The following MYRF variants were observed in gnomAD, a reference collection of about 807,000 sequenced individuals.
MYRF encodes myelin regulatory factor.
In MYRF, 16 loss-of-function variants were observed where a neutral mutation model predicts 126.3. The ratio of observed to expected loss-of-function variants is 0.13; its 90% CI spans 0.09 to 0.19. The LOEUF is 0.19. Among genes scored for constraint, MYRF ranks in the 10% least tolerant of loss-of-function variants. The pLI, the probability that MYRF is intolerant of heterozygous loss-of-function variation, is 1.00. For missense variants in MYRF, 1,104 were observed against 1,547.0 expected (o/e 0.71, Z 4.80); for synonymous variants, 608 against 635.3 (o/e 0.96, Z 0.65).
Position 61,776,730 on chromosome 11 carries a change from G to T in MYRF, c.1500-57G>T. 1.5e-6 allele frequency: 2 copies of T among 1,347,744 alleles called. No homozygotes were observed. The highest frequency in any genetic ancestry group is 2.1e-6 in the Non-Finnish European group (2 of 974,798). 83.5% of individuals were successfully genotyped at this position (1,347,744 alleles called of 1,614,324 possible). ...GAACATGCATCTGGCCAGGGAAAGG[G>T]TGGCCCTGGGGGCGGGGGCAGGCCA... is the stretch of plus-strand genomic sequence containing the variant. On this transcript the variant is annotated intron_variant, in intron 10 of 26. Coordinates refer to ENST00000278836, the MANE Select transcript of MYRF (RefSeq NM_001127392.3). This position sits in a 1 kb window ranked among gnomAD's most constrained non-coding sequence, Gnocchi z 4.3.
rs914137594 is a variant in MYRF at position 61,780,348 on chromosome 11, C to A, written c.2405+58C>A. The stretch of plus-strand genomic sequence containing the variant: ...GCCAGGTGGGGCTTTGGTGGGCAGT[C>A]CCAGGTCAGAGAGCCATGAGACTGT... On this transcript the variant is annotated intron_variant, in intron 18 of 26. Coordinates refer to ENST00000278836, the MANE Select transcript of MYRF (RefSeq NM_001127392.3). 9 of 1,459,688 alleles carry A rather than the reference C, an allele frequency of 6.2e-6. No individual in the cohort carries two copies. The African/African-American group carries it at 7.0e-5, about 11-fold the overall frequency. The allele number at this position is 1,459,688 out of a possible 1,614,324, so 90.4% of individuals were successfully genotyped here. A position where few individuals can be genotyped will look rare whatever the true frequency, so the allele number is the denominator to read the frequency against.
chr11:61,756,011 C>T (rs1257459844), intron 1 of MYRF, among the ~76,000 whole-genome samples: 1 of 152,214 alleles, frequency 6.6e-6, no homozygotes, highest in African/African-American at 2.4e-5. Context: ...CCTCATTCCC[C>T]TCCCAGGGTA....
chr11:61,777,507 AGCGGGCCGCGGGG>A lies in MYRF; in HGVS notation c.1791+49_1791+61del, dbSNP rs2066417884. ...GGGGCCGGGCGGGTCCAGACGCTGG[AGCGGGCCGCGGGG>A]GCGGGGCTCCTGGGGAGGGGGCGTG... On this transcript the variant is annotated intron_variant, in intron 12 of 26. Coordinates refer to ENST00000278836, the MANE Select transcript of MYRF (RefSeq NM_001127392.3). The surrounding 1 kb of genome is among the most constrained non-coding windows in gnomAD (Gnocchi z 8.8). 1 of 1,371,352 alleles carries A rather than the reference AGCGGGCCGCGGGG, an allele frequency of 7.3e-7. No individual in the cohort carries two copies. Among genetic ancestry groups the A allele is most frequent in the Non-Finnish European group, 9.8e-7 (1 of 1,018,656 alleles). The allele number at this position is 1,371,352 out of a possible 1,614,324, so 84.9% of individuals were successfully genotyped here.
chr11:61,764,030 G>A (rs976879132), intron 1 of MYRF, among the ~76,000 whole-genome samples: 2 of 152,320 alleles, frequency 1.3e-5, no homozygotes, highest in South Asian at 2.1e-4. Flanking sequence ...GACTGGCCAC[G>A]CCCAGCTCGA....
intron 1 of MYRF, among the ~76,000 whole-genome samples, chr11:61,765,088 C>T (rs1054332037): frequency 1.2e-4 from 18 of 152,196 alleles, no homozygotes; most frequent in Non-Finnish European, 5.9e-5. Context: ...ATATATGGTC[C>T]CACTCAGCCA....
At position 61,786,412 on chromosome 11, in the gene MYRF, C is replaced by G; in HGVS notation, c.*269C>G. ...AGGGGCCAGGACAGGACCAGTTTAC[C>G]TCTTTCCAGATATGGTGGTTGGAGG... is the stretch of plus-strand genomic sequence containing the variant. On this transcript the variant is annotated 3_prime_UTR_variant, in exon 27 of 27. Coordinates refer to ENST00000278836, the MANE Select transcript of MYRF (RefSeq NM_001127392.3). The surrounding 1 kb of genome is among the most constrained non-coding windows in gnomAD (Gnocchi z 4.5). The G allele has an allele frequency of 7.8e-6, 4 of 511,162 alleles. No homozygotes were observed. In the South Asian group the frequency reaches 9.3e-5, roughly 12 times the overall value. The allele number at this position is 511,162 out of a possible 1,614,324, so 31.7% of individuals were successfully genotyped here.
Position 61,776,251 on chromosome 11 carries a change from G to T in MYRF, c.1389-71G>T. The T allele has an allele frequency of 6.4e-7, 1 of 1,565,716 alleles. No individual in the cohort carries two copies. Among genetic ancestry groups the T allele is most frequent in the Non-Finnish European group, 8.8e-7 (1 of 1,142,798 alleles). ...CCGCCTCATGTACGTTGCTGGCCTG[G>T]GTGCCCCTCAGTGGCGTGGCTCTTG... On this transcript the variant is annotated intron_variant, in intron 9 of 26. Coordinates refer to ENST00000278836, the MANE Select transcript of MYRF (RefSeq NM_001127392.3). The surrounding 1 kb of genome is among the most constrained non-coding windows in gnomAD (Gnocchi z 4.3).
Position 61,784,264 on chromosome 11 carries a change from C to T in MYRF, c.3195-16C>T, listed in dbSNP as rs1366825207. ...CTCTAGAACCTCATTTCTCTGCTAA[C>T]TGGGCCTGTCTACAGCTCCTCCTCC... On this transcript the variant is annotated splice_polypyrimidine_tract_variant and intron_variant, in intron 24 of 26. Transcript: ENST00000278836. 6.2e-7 allele frequency: 1 copy of T among 1,611,680 alleles called. No individual in the cohort carries two copies. Among genetic ancestry groups the T allele is most frequent in the East Asian group, 2.2e-5 (1 of 44,852 alleles).
Position 61,781,075 on chromosome 11 carries a change from A to C in MYRF, c.2572+30A>C. On this transcript the variant is annotated intron_variant, in intron 20 of 26. Transcript: ENST00000278836. ...GTGTCTGGGCAGGTCTGGGTAGGAC[A>C]GGGAGGTTGCTATGTTCTGTCTTTG... 4 of 1,610,518 alleles carry C rather than the reference A, an allele frequency of 2.5e-6. No homozygotes were observed. The East Asian group carries it at 6.7e-5, about 27-fold the overall frequency.
chr11:61,779,616 CT>C, intron 16 of MYRF, 46 bp downstream of exon 16: 1 of 1,439,946 alleles, frequency 6.9e-7, no homozygotes. Context: ...GGGGGCCTCC[CT>C]TGTGGCCTCC....
At chr11:61,784,083 TGGCTAAATGACCTGGCCTCATG>T in intron 24 of MYRF, 158 bp downstream of exon 24, 1 of 1,035,622 alleles carries the variant, frequency 9.7e-7, no homozygotes, top group Non-Finnish European at 1.4e-6. Flanking sequence ...CGTGGTTAAC[TGGCTAAATGACCTGGCCTCATG>T]GGCTGAGGAC....
chr11:61,786,268 G>C lies in MYRF; in HGVS notation c.*125G>C, dbSNP rs766607632. Reference sequence around the variant, plus strand: ...GCTCTGCTGTTCACTGGCCCTACCCGAGACTGGTGAAACTGGAAGTCTTCA... The same window carrying C: ...GCTCTGCTGTTCACTGGCCCTACCCCAGACTGGTGAAACTGGAAGTCTTCA... On this transcript the variant is annotated 3_prime_UTR_variant, in exon 27 of 27. Coordinates refer to ENST00000278836, the MANE Select transcript of MYRF (RefSeq NM_001127392.3). The surrounding 1 kb of genome is among the most constrained non-coding windows in gnomAD (Gnocchi z 4.5). 4 of 887,338 alleles carry C rather than the reference G, an allele frequency of 4.5e-6. No homozygotes were observed. Among genetic ancestry groups the C allele is most frequent in the African/African-American group, 3.3e-5 (2 of 59,866 alleles). 55.0% of individuals were successfully genotyped at this position (887,338 alleles called of 1,614,324 possible). A position where few individuals can be genotyped will look rare whatever the true frequency, so the allele number is the denominator to read the frequency against.
intron 3 of MYRF, chr11:61,767,259 G>A: frequency 4.4e-6 from 2 of 456,730 alleles, no homozygotes; most frequent in South Asian, 3.1e-5. Context: ...AGGCCCCTGG[G>A]GGCAGAGGGA....
intron 1 of MYRF, chr11:61,755,585 G>A (rs1020793417): frequency 1.9e-6 from 2 of 1,053,718 alleles, no homozygotes; most frequent in South Asian, 1.3e-5. Flanking sequence ...TCTGTGCCTG[G>A]CAGGGAACCC....
In MYRF at chr11:61,781,632, T is replaced by C. The variant is rs1405767397; in HGVS notation, c.2824T>C (p.Ser942Pro). Residue 942 changes from serine to proline, a missense_variant, in exon 22 of 27, where the codon TCA becomes CCA. By Grantham distance (74) the Ser-to-Pro change is moderately conservative. Transcript: ENST00000278836. ...CATCAGAGCCAAGTCCTGGGGTCTT[T>C]CAGTCAATGGCATTGGCCACTCCAA... ...TNIRAKSWGL[S>P]VNGIGHSKHH... 3 of 1,613,768 alleles carry C rather than the reference T, an allele frequency of 1.9e-6. No homozygotes were observed. The African/African-American group carries it at 4.0e-5, about 22-fold the overall frequency.
intron 3 of MYRF, chr11:61,766,510 G>C: frequency 2.4e-6 from 1 of 421,514 alleles, no homozygotes; most frequent in East Asian, 3.7e-5. Context: ...GACAGGAAGC[G>C]GCGGGACTGG....
In MYRF at chr11:61,766,059, G is replaced by A; in HGVS notation, c.236G>A (p.Gly79Glu). 6.2e-7 allele frequency: 1 copy of A among 1,604,336 alleles called. No individual in the cohort carries two copies. Among genetic ancestry groups the A allele is most frequent in the East Asian group, 2.2e-5 (1 of 44,680 alleles). ...SSGVHHLSPP[G>E]GGPSPGRHGP... ...GGGGTCCACCACCTGAGCCCCCCTGGGGGTGGACCCTCCCCGGGGCGCCAT... is the reference window on the plus strand; with the variant it reads ...GGGGTCCACCACCTGAGCCCCCCTGAGGGTGGACCCTCCCCGGGGCGCCAT... Residue 79 changes from glycine to glutamate, a missense_variant, in exon 3 of 27, where the codon GGG (glycine) becomes GAG (glutamate). Around this residue, in one of 10 missense-constraint regions of MYRF, gnomAD observed 368 missense variants for 403.9 expected, o/e 0.91. Coordinates refer to ENST00000278836, the MANE Select transcript of MYRF (RefSeq NM_001127392.3).
rs145431468 is a variant in MYRF, at chr11:61,761,480, G to A, written c.47-4145G>A. Among the ~76,000 whole-genome samples, 392 of 152,316 alleles carry A rather than the reference G, an allele frequency of 2.6e-3. 2 individuals carry two copies. The highest frequency in any genetic ancestry group is 8.9e-3 in the African/African-American group (372 of 41,570). On this transcript the variant is annotated intron_variant, in intron 1 of 26. Transcript: ENST00000278836. ...CTGGATCGCAGCCTGCCTGGGAAGG[G>A]GCAGTGTCTGGTTCCTGTTCCAGGC...
At chr11:61,765,770 C>A in intron 2 of MYRF, 58 bp downstream of exon 2, 1 of 1,530,726 alleles carries the variant, frequency 6.5e-7, no homozygotes, top group Non-Finnish European at 8.9e-7. Flanking sequence ...CGCCTCCCTT[C>A]TGTCACCAGG....
Sources: allele counts gnomAD v4.1 joint callset (sites outside exome capture counted in the v4.1 genomes callset), GRCh38; gene constraint gnomAD v4.1.1; regional missense constraint gnomAD v4.1.1; non-coding constraint Gnocchi (gnomAD v3.1); transcripts MANE v1.5; gene names NCBI Gene and HGNC (gene_info 2026-07-23, HGNC 2026-07-21).